LARP7: variants seen among roughly 807,000 people sequenced by gnomAD.
The protein encoded by LARP7 is la-related protein 7.
Under a neutral mutation model 69.3 loss-of-function variants are expected in LARP7, and 52 were observed. That is an observed-to-expected ratio of 0.75 (90% CI 0.60 to 0.95). LARP7 has a LOEUF of 0.95. Among genes scored for constraint, LARP7 ranks in the 40% least tolerant of loss-of-function variants. The pLI, the probability that LARP7 is intolerant of heterozygous loss-of-function variation, is 0.00. For missense variants in LARP7, 733 were observed against 673.0 expected, an observed-to-expected ratio of 1.09 and a Z score of -0.99; for synonymous variants, 254 against 215.9, an observed-to-expected ratio of 1.18 and a Z score of -1.55.
rs1223785261 is a variant in LARP7, at chr4:112,647,089, C to T, written c.608C>T (p.Thr203Ile). The change falls in exon 6 of 13, where the codon ACA (threonine) becomes ATA (isoleucine). Residue 203 changes from threonine to isoleucine, a missense_variant. Thr to Ile is a moderately conservative substitution (Grantham distance 89, BLOSUM62 -1). Coordinates refer to ENST00000344442, the MANE Select transcript of LARP7 (RefSeq NM_016648.4). Reference protein sequence around the residue: ...APRKPGIFPKTVKNKPIPALR... With the variant: ...APRKPGIFPKIVKNKPIPALR... The stretch of plus-strand genomic sequence containing the variant: ...AGAAAACCTGGCATATTTCCTAAAA[C>T]AGTGAAAAATAAGCCCATTCCAGCC... 1 of 1,611,406 alleles carries T rather than the reference C, an allele frequency of 6.2e-7. No individual in the cohort carries two copies. The highest frequency in any genetic ancestry group is 8.5e-7 in the Non-Finnish European group (1 of 1,179,424).
intron 1 of LARP7, among the ~76,000 whole-genome samples, chr4:112,642,861 AT>A (rs1171761890): frequency 6.6e-6 from 1 of 152,222 alleles, no homozygotes; most frequent in Non-Finnish European, 1.5e-5. Flanking sequence ...CCTCCATGCC[AT>A]CTAATAGCTG....
intron 10 of LARP7, 76 bp downstream of exon 10, chr4:112,650,658 T>A: frequency 7.0e-7 from 1 of 1,429,374 alleles, no homozygotes; most frequent in Non-Finnish European, 9.5e-7. Context: ...GTTTTGAATA[T>A]GGAAGATAAA....
chr4:112,644,743 AAAAG>A lies in LARP7; in HGVS notation c.78_81del (p.Lys26AsnfsTer35). On this transcript the variant is annotated frameshift_variant, in exon 2 of 13. Coordinates refer to ENST00000344442, the MANE Select transcript of LARP7 (RefSeq NM_016648.4). LOFTEE classifies it high-confidence loss of function. Reference sequence around the variant, plus strand: ...ACTGAAAAGAAAAAAGAAGTTGAAAAAAAGAAACGGTCACGAGTTAAACAGGTGC... The same window carrying A: ...ACTGAAAAGAAAAAAGAAGTTGAAAAAAACGGTCACGAGTTAAACAGGTGC... 1 of 1,611,292 alleles carries A rather than the reference AAAAG, an allele frequency of 6.2e-7. No homozygotes were observed. The highest frequency in any genetic ancestry group is 8.5e-7 in the Non-Finnish European group (1 of 1,178,220).
intron 11 of LARP7, 42 bp from the exon 12 acceptor site, chr4:112,654,026 T>C (rs1447562941): frequency 4.3e-6 from 6 of 1,397,046 alleles, no homozygotes; most frequent in Admixed American, 3.5e-5. Flanking sequence ...TTTTCAGATA[T>C]GTTCTTCTTT....
At chr4:112,642,699 C>G (rs1024946257) in intron 1 of LARP7, among the ~76,000 whole-genome samples, 2 of 152,164 alleles carry the variant, frequency 1.3e-5, no homozygotes, top group African/African-American at 4.8e-5. Context: ...TAGCAATTAC[C>G]CAAATTCACT....
intron 1 of LARP7, chr4:112,644,287 G>T: frequency 3.4e-6 from 1 of 289,936 alleles, no homozygotes; most frequent in Non-Finnish European, 6.2e-6. Context: ...GGTGGGGCGG[G>T]GGCGGGGGGG....
chr4:112,657,326 GAA>G lies in LARP7; in HGVS notation c.*8_*9del. 3.6e-6 allele frequency: 5 copies of G among 1,401,430 alleles called. No homozygotes were observed. The highest frequency in any genetic ancestry group is 3.9e-6 in the Non-Finnish European group (4 of 1,035,542). The allele number at this position is 1,401,430 out of a possible 1,614,324, so 86.8% of individuals were successfully genotyped here. A position where few individuals can be genotyped will look rare whatever the true frequency, so the allele number is the denominator to read the frequency against. Reference sequence around the variant, plus strand: ...CATATAAGATTTTCTGAATATGATTGAAAAAAAAAACAGTTCACCTCTTAATA... The same window carrying G: ...CATATAAGATTTTCTGAATATGATTGAAAAAAAACAGTTCACCTCTTAATA... On this transcript the variant is annotated stop_retained_variant and 3_prime_UTR_variant, in exon 13 of 13. Transcript: ENST00000344442.
chr4:112,646,765 C>G, intron 4 of LARP7, 26 bp from the exon 5 acceptor site: 1 of 1,562,860 alleles, frequency 6.4e-7, no homozygotes, highest in Non-Finnish European at 8.7e-7. Context: ...GTGAAAAACT[C>G]TAATATTGCT....
intron 11 of LARP7, 32 bp downstream of exon 11, chr4:112,653,268 TG>T: frequency 2.0e-6 from 3 of 1,524,858 alleles, no homozygotes; most frequent in Non-Finnish European, 2.6e-6. Flanking sequence ...CTTTTTTTTT[TG>T]TTATCATCCT....
At chr4:112,652,965 C>A in intron 10 of LARP7, 112 bp from the exon 11 acceptor site, 1 of 700,130 alleles carries the variant, frequency 1.4e-6, no homozygotes, top group Non-Finnish European at 2.1e-6. Flanking sequence ...CCTCATTAGA[C>A]TGCAAAATGC....
intron 11 of LARP7, 111 bp downstream of exon 11, chr4:112,653,347 T>A: frequency 1.2e-6 from 1 of 813,238 alleles, no homozygotes; most frequent in Non-Finnish European, 1.8e-6. Context: ...TCTTGCTCTG[T>A]CGCTCAGGCT....
chr4:112,649,309 T>C (rs906935245), intron 8 of LARP7, among the ~76,000 whole-genome samples: 2 of 152,168 alleles, frequency 1.3e-5, no homozygotes, highest in African/African-American at 4.8e-5. Flanking sequence ...AAAAATTTAA[T>C]TGGCAATCTT....
chr4:112,645,625 C>T (rs1432652722), intron 2 of LARP7: 9 of 452,886 alleles, frequency 2.0e-5, no homozygotes, highest in Non-Finnish European at 2.7e-5. Context: ...CCCACCCAAG[C>T]GATCCTCCAT....
At chr4:112,646,494 A>G (rs371322141) in intron 3 of LARP7, 43 bp downstream of exon 3, 1 of 1,316,188 alleles carries the variant, frequency 7.6e-7, no homozygotes. Flanking sequence ...ATAGTTTATA[A>G]TTATAAAGAA....
intron 1 of LARP7, 189 bp from the exon 2 acceptor site, chr4:112,644,479 A>G (rs2048085971): frequency 1.7e-6 from 2 of 1,192,530 alleles, no homozygotes; most frequent in South Asian, 2.3e-5. Context: ...TATGATCCCT[A>G]ACATAGAAGG....
Position 112,646,463 on chromosome 4 carries a change from GAATAA to G in LARP7, c.303+13_303+17del. The G allele has an allele frequency of 6.8e-7, 1 of 1,471,416 alleles. No individual in the cohort carries two copies. The highest frequency in any genetic ancestry group is 9.4e-7 in the Non-Finnish European group (1 of 1,060,094). 91.1% of individuals were successfully genotyped at this position (1,471,416 alleles called of 1,614,324 possible). A position where few individuals can be genotyped will look rare whatever the true frequency, so the allele number is the denominator to read the frequency against. Reference sequence around the variant, plus strand: ...CAGCTGTTGTAGAGGTAAGAATCAAGAATAACTACTGTTTATATTTATAGTTTATA... The same window carrying G: ...CAGCTGTTGTAGAGGTAAGAATCAAGCTACTGTTTATATTTATAGTTTATA... On this transcript the variant is annotated intron_variant, in intron 3 of 12. Coordinates refer to ENST00000344442, the MANE Select transcript of LARP7 (RefSeq NM_016648.4).
chr4:112,651,255 T>G lies in LARP7; in HGVS notation c.1416+673T>G, dbSNP rs144294431. On this transcript the variant is annotated intron_variant, in intron 10 of 12. Coordinates refer to ENST00000344442, the MANE Select transcript of LARP7 (RefSeq NM_016648.4). ...CATTCATCATCACTTAGTATGTTGTTTTGGTTTTACGTAGACTCATCAGTC... is the reference window on the plus strand; with the variant it reads ...CATTCATCATCACTTAGTATGTTGTGTTGGTTTTACGTAGACTCATCAGTC... 5.3e-5 allele frequency among the ~76,000 whole-genome samples: 8 copies of G among 152,322 alleles called. No homozygotes were observed. In the East Asian group the frequency reaches 1.2e-3, roughly 22 times the overall value.
intron 1 of LARP7, among the ~76,000 whole-genome samples, chr4:112,640,691 C>A (rs1408234828): frequency 6.6e-6 from 1 of 152,070 alleles, no homozygotes; most frequent in Non-Finnish European, 1.5e-5. Flanking sequence ...CAGACTCCAT[C>A]TCAATAAATA....
In LARP7 at chr4:112,650,560, T is replaced by C; in HGVS notation, c.1394T>C (p.Leu465Pro). 2.5e-6 allele frequency: 4 copies of C among 1,613,424 alleles called. No individual in the cohort carries two copies. The highest frequency in any genetic ancestry group is 2.2e-5 in the South Asian group (2 of 91,040). Residue 465 changes from leucine to proline, a missense_variant, in exon 10 of 13, where the codon CTA (leucine) becomes CCA (proline). Coordinates refer to ENST00000344442, the MANE Select transcript of LARP7 (RefSeq NM_016648.4). ...GTGAAGATCATTAGCACAGAGCCTC[T>C]ACCTGGCAGGAAACAAGTCCGGGTA... ...VIVKIISTEP[L>P]PGRKQVRDTL...
Sources: allele counts gnomAD v4.1 joint callset (sites outside exome capture counted in the v4.1 genomes callset), GRCh38; gene constraint gnomAD v4.1.1; transcripts MANE v1.5; gene names NCBI Gene and HGNC (gene_info 2026-07-23, HGNC 2026-07-21).